CSMD1: variants seen among roughly 807,000 people sequenced by gnomAD.
CSMD1 encodes the protein CUB and Sushi multiple domains 1, also known as CUB and sushi domain-containing protein 1.
Under a neutral mutation model 417.5 loss-of-function variants are expected in CSMD1, and 213 were observed. That is an observed-to-expected ratio of 0.51 (90% CI 0.46 to 0.57). CSMD1 has a LOEUF of 0.57. CSMD1 is among the 20% of genes least tolerant of loss of function. CSMD1 has a pLI of 0.00. For synonymous variants in CSMD1, 2,862 were observed against 1,736.8 expected (o/e 1.65, Z -16.11); for missense variants, 6,923 against 4,529.7 (o/e 1.53, Z -15.17).
chr8:4,556,377 C>G (rs1256082462), intron 2 of CSMD1, among the ~76,000 whole-genome samples: 1 of 151,972 alleles, frequency 6.6e-6, no homozygotes, highest in African/African-American at 2.4e-5. Context: ...AACTGTATAA[C>G]AATTTTAAGA....
At chr8:4,418,018 G>A (rs563932772) in intron 3 of CSMD1, among the ~76,000 whole-genome samples, 70 of 151,396 alleles carry the variant, frequency 4.6e-4, no homozygotes, top group Middle Eastern at 3.4e-3. Context: ...TCCAAATAAC[G>A]CACACTCATT....
chr8:4,933,475 T>C (rs959754819), intron 1 of CSMD1, among the ~76,000 whole-genome samples: 2 of 152,206 alleles, frequency 1.3e-5, no homozygotes, highest in African/African-American at 4.8e-5. Context: ...AGGAGAGAAC[T>C]GTCAGTGCAG....
intron 5 of CSMD1, among the ~76,000 whole-genome samples, chr8:3,953,673 A>C (rs1563248742): frequency 1.3e-5 from 2 of 152,126 alleles, no homozygotes; most frequent in East Asian, 3.9e-4. Flanking sequence ...GAGCCTGGGG[A>C]AGTGATGGCG....
intron 2 of CSMD1, among the ~76,000 whole-genome samples, chr8:4,456,711 T>A (rs1055114639): frequency 3.2e-4 from 48 of 152,232 alleles, no homozygotes; most frequent in African/African-American, 1.1e-3. Flanking sequence ...AACAGGCATG[T>A]GGACCCCCTG....
At chr8:4,698,773 A>C (rs565527910) in intron 1 of CSMD1, among the ~76,000 whole-genome samples, 3 of 151,290 alleles carry the variant, frequency 2.0e-5, no homozygotes, top group Admixed American at 6.6e-5. Context: ...AAAAAATTCC[A>C]CCATATAAAA....
chr8:4,604,273 A>G (rs747153663), intron 2 of CSMD1, among the ~76,000 whole-genome samples: 1 of 151,962 alleles, frequency 6.6e-6, no homozygotes, highest in African/African-American at 2.4e-5. Context: ...ATAAAGGTAC[A>G]ATAGATATAA....
chr8:4,875,217 G>T (rs550031060), intron 1 of CSMD1, among the ~76,000 whole-genome samples: 125 of 152,022 alleles, frequency 8.2e-4, no homozygotes, highest in Non-Finnish European at 1.6e-3. Flanking sequence ...AAGCTGAGAA[G>T]GAAAATAAGC....
chr8:4,489,690 G>T (rs761748350), intron 2 of CSMD1, among the ~76,000 whole-genome samples: 4 of 152,182 alleles, frequency 2.6e-5, no homozygotes, highest in African/African-American at 4.8e-5. Flanking sequence ...TGATCTGGCA[G>T]GTGAGATTGC....
intron 3 of CSMD1, among the ~76,000 whole-genome samples, chr8:4,321,441 G>C (rs1330513934): frequency 6.6e-6 from 1 of 152,072 alleles, no homozygotes; most frequent in Non-Finnish European, 1.5e-5. Context: ...TTGTGACCTT[G>C]GGAATCTTAC....
intron 3 of CSMD1, among the ~76,000 whole-genome samples, chr8:4,191,744 CA>C (rs3065543): frequency 0.06 from 8,160 of 135,662 alleles, 683 homozygotes; most frequent in African/African-American, 0.21. Context: ...AAGGTCATTC[CA>C]AAAAAAAAAA....
rs376562344 is a variant in CSMD1 at position 2,963,356 on chromosome 8, G to A, written c.9320C>T (p.Thr3107Ile). Reference protein sequence around the residue: ...CPQPPPVQNGTVEGSDFRWGS... With the variant: ...CPQPPPVQNGIVEGSDFRWGS... ...CCAGCGGAAATCACTTCCCTCCACT[G>A]TTCCATTCTGCACCGGCGGCGGCTG... Residue 3107 changes from threonine (T) to isoleucine (I), a missense_variant, in exon 60 of 70, where the codon ACA becomes ATA. Transcript: ENST00000635120. 6.2e-7 allele frequency: 1 copy of A among 1,613,932 alleles called. No individual in the cohort carries two copies. The highest frequency in any genetic ancestry group is 8.5e-7 in the Non-Finnish European group (1 of 1,179,858).
chr8:3,713,750 T>C (rs2623577), intron 6 of CSMD1, among the ~76,000 whole-genome samples: 50,129 of 152,124 alleles, frequency 0.33, 8,423 homozygotes, highest in East Asian at 0.5. Context: ...GGAGATGCCA[T>C]TGCAAATCCT....
At chr8:3,465,086 GA>G (rs1267858731) in intron 12 of CSMD1, among the ~76,000 whole-genome samples, 3 of 152,106 alleles carry the variant, frequency 2.0e-5, no homozygotes, top group Non-Finnish European at 4.4e-5. Context: ...CATGCCAACT[GA>G]AGTCTAGCAA....
chr8:3,272,034 G>C (rs1239866208), intron 26 of CSMD1, among the ~76,000 whole-genome samples: 2 of 151,516 alleles, frequency 1.3e-5, no homozygotes. Context: ...GTAATGCCTA[G>C]GTTTTCTTCT....
chr8:4,142,513 C>G (rs1038355222), intron 3 of CSMD1, among the ~76,000 whole-genome samples: 4 of 151,246 alleles, frequency 2.6e-5, no homozygotes, highest in Admixed American at 2.6e-4. Context: ...AGGAGCTGTT[C>G]TAGATGAATT....
At chr8:4,037,745 G>T (rs192505003) in intron 3 of CSMD1, among the ~76,000 whole-genome samples, 1 of 152,218 alleles carries the variant, frequency 6.6e-6, no homozygotes, top group East Asian at 1.9e-4. Flanking sequence ...GACTCTATCA[G>T]ATTTTACTGC....
At chr8:3,525,923 C>G (rs545035529) in intron 10 of CSMD1, among the ~76,000 whole-genome samples, 1 of 152,258 alleles carries the variant, frequency 6.6e-6, no homozygotes, top group East Asian at 1.9e-4. Context: ...ACACACAAAT[C>G]GTATTACATG....
intron 3 of CSMD1, among the ~76,000 whole-genome samples, chr8:4,043,811 C>T (rs907323565): frequency 1.3e-5 from 2 of 152,142 alleles, no homozygotes; most frequent in Admixed American, 1.3e-4. Flanking sequence ...CCTTACACGT[C>T]TCCAAATGAG....
chr8:4,888,610 C>G (rs1157986155), intron 1 of CSMD1, among the ~76,000 whole-genome samples: 1 of 151,866 alleles, frequency 6.6e-6, no homozygotes, highest in Non-Finnish European at 1.5e-5. Flanking sequence ...CAGTGACATC[C>G]CAACACCAAA....
Sources: allele counts gnomAD v4.1 joint callset (sites outside exome capture counted in the v4.1 genomes callset), GRCh38; gene constraint gnomAD v4.1.1; transcripts MANE v1.5; gene names NCBI Gene and HGNC (gene_info 2026-07-23, HGNC 2026-07-21).